Variants in TAF1B observed in about 807,000 individuals in gnomAD.
The protein encoded by TAF1B is TATA-box binding protein associated factor, RNA polymerase I subunit B.
In TAF1B, 61 loss-of-function variants were observed where a neutral mutation model predicts 83.9. The ratio of observed to expected loss-of-function variants is 0.73; its 90% CI spans 0.59 to 0.90. The LOEUF (loss-of-function observed/expected upper bound fraction) is 0.90. Ranked by LOEUF, TAF1B falls within the 40% of genes least tolerant of loss-of-function variation. The pLI, the probability that TAF1B is intolerant of heterozygous loss-of-function variation, is 0.00. For missense variants in TAF1B, 625 were observed against 677.0 expected (o/e 0.92, Z 0.85); for synonymous variants, 221 against 224.6 (o/e 0.98, Z 0.14).
chr2:9,855,226 C>T (rs1166530785), intron 5 of TAF1B, among the ~76,000 whole-genome samples: 2 of 152,246 alleles, frequency 1.3e-5, no homozygotes, highest in East Asian at 3.9e-4. Flanking sequence ...AGCTCCTGAC[C>T]GCAGATGATC....
Position 9,847,674 on chromosome 2 carries a change from T to C in TAF1B, c.118-1699T>C, listed in dbSNP as rs1289266215. ...AAAAAAATGTAAGGTCATAAATCTG[T>C]TCAATTTAGACAATAGATATTTTTG... On this transcript the variant is annotated intron_variant, in intron 2 of 14. Transcript: ENST00000263663. Among the ~76,000 whole-genome samples the C allele has an allele frequency of 1.5e-4, 23 of 152,334 alleles. No individual in the cohort carries two copies. The South Asian group carries it at 2.9e-3, about 19-fold the overall frequency.
intron 14 of TAF1B, among the ~76,000 whole-genome samples, chr2:9,932,020 T>C (rs181343902): frequency 6.6e-6 from 1 of 152,340 alleles, no homozygotes; most frequent in East Asian, 1.9e-4. Context: ...CTCCATCAGA[T>C]CATTTAAGGT....
chr2:9,859,895 A>G (rs541045631), intron 5 of TAF1B, among the ~76,000 whole-genome samples: 4 of 152,304 alleles, frequency 2.6e-5, no homozygotes, highest in East Asian at 1.9e-4. Context: ...CCACACTACT[A>G]TGAAGATACT....
At chr2:9,920,215 C>T (rs527587618) in intron 14 of TAF1B, among the ~76,000 whole-genome samples, 8 of 152,270 alleles carry the variant, frequency 5.3e-5, no homozygotes, top group African/African-American at 1.7e-4. Flanking sequence ...GACCACAGTA[C>T]AGTTATCAAA....
At position 9,872,316 on chromosome 2, in the gene TAF1B, A is replaced by G. The variant is rs1312056678; in HGVS notation, c.554-3549A>G. 3.6e-5 allele frequency among the ~76,000 whole-genome samples: 5 copies of G among 140,762 alleles called. No individual in the cohort carries two copies. The South Asian group carries it at 1.1e-3, about 32-fold the overall frequency. 92.3% of individuals were successfully genotyped at this position (140,762 alleles called of 152,430 possible). A position where few individuals can be genotyped will look rare whatever the true frequency, so the allele number is the denominator to read the frequency against. ...ACTCCAGTCTGGGCAACAGAGCGAG[A>G]TTCCATCTTAAAAAAAAAAAAAAAA... On this transcript the variant is annotated intron_variant, in intron 6 of 14. Transcript: ENST00000263663.
At chr2:9,847,556 C>T (rs190023796) in intron 2 of TAF1B, among the ~76,000 whole-genome samples, 2 of 152,162 alleles carry the variant, frequency 1.3e-5, no homozygotes, top group East Asian at 3.9e-4. Flanking sequence ...TGGCATGTAA[C>T]TGTCAAGCTC....
Position 9,846,004 on chromosome 2 carries a change from G to A in TAF1B, c.117+686G>A, listed in dbSNP as rs1663196189. The A allele has an allele frequency of 8.6e-6, 4 of 462,992 alleles. No individual in the cohort carries two copies. The Admixed American group carries it at 9.6e-5, about 11-fold the overall frequency. 28.7% of individuals were successfully genotyped at this position (462,992 alleles called of 1,614,324 possible). ...TCTAAAAAAGAGAAAGAAAGCTTGA[G>A]GACTGTTGGGAATATTGGAATTATT... is the stretch of plus-strand genomic sequence containing the variant. On this transcript the variant is annotated intron_variant, in intron 2 of 14. Transcript: ENST00000263663.
intron 3 of TAF1B, among the ~76,000 whole-genome samples, chr2:9,850,479 G>A (rs1224717540): frequency 2.0e-5 from 3 of 152,118 alleles, no homozygotes; most frequent in East Asian, 1.9e-4. Context: ...AAACTTCCTC[G>A]ACTTATGGAC....
At chr2:9,891,894 A>C (rs1664883717) in intron 8 of TAF1B, among the ~76,000 whole-genome samples, 1 of 152,252 alleles carries the variant, frequency 6.6e-6, no homozygotes, top group South Asian at 2.1e-4. Flanking sequence ...ATTATTTTTA[A>C]GTTTATATAG....
intron 8 of TAF1B, among the ~76,000 whole-genome samples, chr2:9,901,672 T>C (rs1295028199): frequency 6.6e-6 from 1 of 152,174 alleles, no homozygotes; most frequent in Non-Finnish European, 1.5e-5. Flanking sequence ...GTAAATCTTA[T>C]TAGTAATGTT....
intron 4 of TAF1B, 112 bp downstream of exon 4, chr2:9,851,750 A>G (rs1663403182): frequency 6.0e-6 from 5 of 837,634 alleles, no homozygotes; most frequent in Non-Finnish European, 9.5e-6. Context: ...TACTGGAAGA[A>G]TAATTTTTCT....
At chr2:9,921,648 G>A (rs991276030) in intron 14 of TAF1B, among the ~76,000 whole-genome samples, 1 of 152,160 alleles carries the variant, frequency 6.6e-6, no homozygotes, top group Non-Finnish European at 1.5e-5. Flanking sequence ...TCCTTCTGTA[G>A]TGTCTTAATA....
intron 8 of TAF1B, among the ~76,000 whole-genome samples, chr2:9,904,074 C>T (rs1665269576): frequency 6.6e-6 from 1 of 152,074 alleles, no homozygotes; most frequent in African/African-American, 2.4e-5. Context: ...ATTCCAAATA[C>T]TTTGGCTTGG....
chr2:9,920,458 T>C (rs4668651), intron 14 of TAF1B, among the ~76,000 whole-genome samples: 1 of 151,720 alleles, frequency 6.6e-6, no homozygotes, highest in Non-Finnish European at 1.5e-5. Context: ...TACACAATGT[T>C]TCTGAGTATG....
chr2:9,888,254 C>T (rs77397024), intron 8 of TAF1B, among the ~76,000 whole-genome samples: 2 of 151,986 alleles, frequency 1.3e-5, no homozygotes, highest in African/African-American at 4.8e-5. Context: ...AGTATTTCCA[C>T]TTCCCTCCTC....
At chr2:9,932,099 G>A (rs1276975485) in intron 14 of TAF1B, among the ~76,000 whole-genome samples, 1 of 152,134 alleles carries the variant, frequency 6.6e-6, no homozygotes, top group Non-Finnish European at 1.5e-5. Flanking sequence ...GCTTCCTTGC[G>A]ATGGGTTTGA....
Position 9,933,891 on chromosome 2 carries a change from T to A in TAF1B, c.1674T>A (p.His558Gln). 6.2e-7 allele frequency: 1 copy of A among 1,613,668 alleles called. No individual in the cohort carries two copies. The highest frequency in any genetic ancestry group is 8.5e-7 in the Non-Finnish European group (1 of 1,179,744). Residue 558 changes from histidine (H) to glutamine (Q), a missense_variant, in exon 15 of 15, where the codon CAT (histidine) becomes CAA (glutamine). His to Gln is a conservative substitution (Grantham distance 24, BLOSUM62 0). Transcript: ENST00000263663. ...TCAGAATAAAGACTTCCCTTCTCCA[T>A]GAAGAAGTGAGCTTAGTTGAGAAGA... The part of the protein sequence containing the change: ...FLLRIKTSLL[H>Q]EEVSLVEKKL...
intron 7 of TAF1B, among the ~76,000 whole-genome samples, chr2:9,879,549 A>G (rs1159098604): frequency 6.6e-6 from 1 of 152,196 alleles, no homozygotes; most frequent in African/African-American, 2.4e-5. Context: ...CATGCAACAC[A>G]AAAAAGAGGA....
intron 7 of TAF1B, among the ~76,000 whole-genome samples, chr2:9,880,226 A>T (rs1664457727): frequency 6.6e-6 from 1 of 152,118 alleles, no homozygotes; most frequent in South Asian, 2.1e-4. Context: ...CCCATCATAG[A>T]TTGAAACTTT....
Sources: gnomAD v4.1 joint callset for allele counts (sites outside exome capture counted in the v4.1 genomes callset) on GRCh38, gnomAD v4.1.1 for gene constraint, MANE v1.5 for transcripts, NCBI Gene and HGNC (gene_info 2026-07-23, HGNC 2026-07-21) for gene names.